Variants in SCUBE1 observed in about 807,000 individuals in gnomAD.
SCUBE1 encodes signal peptide, CUB domain and EGF like domain containing 1, also known as signal peptide, CUB and EGF-like domain-containing protein 1.
A neutral mutation model predicts 124.4 loss-of-function variants in SCUBE1; 59 were observed. The ratio of observed to expected loss-of-function variants is 0.47; its 90% CI spans 0.38 to 0.59. SCUBE1 has a LOEUF of 0.59. Among genes scored for constraint, SCUBE1 ranks in the 20% least tolerant of loss-of-function variants. The pLI, the probability that SCUBE1 is intolerant of heterozygous loss-of-function variation, is 0.00. For synonymous variants in SCUBE1, 545 were observed against 550.9 expected (o/e 0.99, Z 0.15); for missense variants, 1,150 against 1,371.2 (o/e 0.84, Z 2.55).
Position 43,221,069 on chromosome 22 carries a change from C to G in SCUBE1, c.1549+104G>C. On this transcript the variant is annotated intron_variant, in intron 13 of 21. Transcript: ENST00000360835. ...AGCTGCCAGGTGAGAGAGACCTCCA[C>G]CCTTGGAAACCAGACTCGCTGGACC... 9.2e-6 allele frequency: 7 copies of G among 758,920 alleles called. No homozygotes were observed. In the South Asian group the frequency reaches 9.6e-5, roughly 10 times the overall value. The allele number at this position is 758,920 out of a possible 1,614,324, so 47.0% of individuals were successfully genotyped here.
rs200014728 is a variant in SCUBE1 at position 43,208,146 on chromosome 22, T to G, written c.2660A>C (p.Lys887Thr). 3 of 1,614,014 alleles carry G rather than the reference T, an allele frequency of 1.9e-6. No individual in the cohort carries two copies. In the African/African-American group the frequency reaches 4.0e-5, roughly 22 times the overall value. The change falls in exon 20 of 22, where the codon AAG (lysine) becomes ACG (threonine). Residue 887 changes from lysine to threonine, a missense_variant. Transcript: ENST00000360835. ...ATTGGATTTGAACTGGATCCAGAGCTTGCGGGAGCGGGAGGTGAAGGCGAT... is the reference window on the plus strand; with the variant it reads ...ATTGGATTTGAACTGGATCCAGAGCGTGCGGGAGCGGGAGGTGAAGGCGAT... Reference protein sequence around the residue: ...RPIAFTSRSRKLWIQFKSNEG... With the variant: ...RPIAFTSRSRTLWIQFKSNEG...
chr22:43,264,613 A>G lies in SCUBE1; in HGVS notation c.485-1768T>C, dbSNP rs547993895. On this transcript the variant is annotated intron_variant, in intron 4 of 21. Coordinates refer to ENST00000360835, the MANE Select transcript of SCUBE1 (RefSeq NM_173050.5). ...CCAGCAAGCCATCTCCCTGACCGTT[A>G]CTGACAGCTGTTGTCGGCGGTGGGC... Among the ~76,000 whole-genome samples, 3 of 152,276 alleles carry G rather than the reference A, an allele frequency of 2.0e-5. No individual in the cohort carries two copies. The South Asian group carries it at 6.2e-4, about 32-fold the overall frequency.
At chr22:43,207,776 G>C (rs35334214) in intron 20 of SCUBE1, among the ~76,000 whole-genome samples, 163 bp from the exon 21 acceptor site, 5,975 of 152,296 alleles carry the variant, frequency 0.039, 143 homozygotes, top group South Asian at 0.058. Context: ...GGGGCTCCCT[G>C]CACCTGTATT....
chr22:43,220,826 GA>G (rs1456166583), intron 13 of SCUBE1, among the ~76,000 whole-genome samples: 1 of 152,172 alleles, frequency 6.6e-6, no homozygotes, highest in Non-Finnish European at 1.5e-5. Context: ...ACATATTCAT[GA>G]ATGAGGCTGT....
At chr22:43,252,284 C>T (rs896331996) in intron 6 of SCUBE1, among the ~76,000 whole-genome samples, 1 of 152,260 alleles carries the variant, frequency 6.6e-6, no homozygotes. Context: ...ACTCCCCTCC[C>T]TCACTGGAGC....
intron 12 of SCUBE1, 26 bp downstream of exon 12, chr22:43,222,612 C>A (rs1331995998): frequency 6.8e-7 from 1 of 1,463,116 alleles, no homozygotes; most frequent in Non-Finnish European, 9.1e-7. Context: ...CAGTGGCATG[C>A]AGCATGGACA....
At chr22:43,332,814 C>T (rs1165101077) in intron 2 of SCUBE1, among the ~76,000 whole-genome samples, 4 of 152,098 alleles carry the variant, frequency 2.6e-5, no homozygotes, top group African/African-American at 9.7e-5. Flanking sequence ...CAGCTCTGGG[C>T]CCAGCCCTGA....
At chr22:43,303,292 G>A (rs956478906) in intron 3 of SCUBE1, among the ~76,000 whole-genome samples, 1 of 152,246 alleles carries the variant, frequency 6.6e-6, no homozygotes, top group African/African-American at 2.4e-5. Context: ...TTGAGCGTGA[G>A]CGTCCTTGGC....
At position 43,198,184 on chromosome 22, in the gene SCUBE1, G is replaced by A; in HGVS notation, c.*5813C>T. The A allele has an allele frequency of 3.8e-6, 1 of 261,428 alleles. No homozygotes were observed. The allele number at this position is 261,428 out of a possible 1,614,324, so 16.2% of individuals were successfully genotyped here. A position where few individuals can be genotyped will look rare whatever the true frequency, so the allele number is the denominator to read the frequency against. On this transcript the variant is annotated 3_prime_UTR_variant, in exon 22 of 22. Transcript: ENST00000360835. ...TATTAGAGGGTTGAGCCCAGAGCCT[G>A]GCACCCAGTGGGCACTGAGTGAGCG...
At chr22:43,303,250 T>A (rs1925841607) in intron 3 of SCUBE1, among the ~76,000 whole-genome samples, 1 of 152,228 alleles carries the variant, frequency 6.6e-6, no homozygotes, top group African/African-American at 2.4e-5. Flanking sequence ...GCACCCTCCA[T>A]GTGTACACCT....
intron 4 of SCUBE1, among the ~76,000 whole-genome samples, chr22:43,287,151 C>T (rs1040147020): frequency 6.6e-6 from 1 of 152,144 alleles, no homozygotes; most frequent in Non-Finnish European, 1.5e-5. Flanking sequence ...GGGCCAGAAG[C>T]AGTGCTCGGA....
intron 4 of SCUBE1, among the ~76,000 whole-genome samples, chr22:43,266,940 T>G (rs988725605): frequency 1.3e-5 from 2 of 152,062 alleles, no homozygotes; most frequent in African/African-American, 4.8e-5. Flanking sequence ...GGACAAAGCC[T>G]CCGCTCCCCT....
intron 2 of SCUBE1, among the ~76,000 whole-genome samples, chr22:43,322,937 A>G (rs1314581727): frequency 6.6e-6 from 1 of 152,194 alleles, no homozygotes; most frequent in Non-Finnish European, 1.5e-5. Context: ...AGGTGTTTTA[A>G]CTTCATTTTA....
intron 4 of SCUBE1, among the ~76,000 whole-genome samples, chr22:43,271,192 C>T (rs1262089167): frequency 1.3e-5 from 2 of 152,176 alleles, no homozygotes; most frequent in Non-Finnish European, 2.9e-5. Context: ...GGACTGGGGC[C>T]ATGCCTGGGG....
chr22:43,310,972 T>A (rs1412187750), intron 3 of SCUBE1, among the ~76,000 whole-genome samples: 1 of 151,970 alleles, frequency 6.6e-6, no homozygotes, highest in Non-Finnish European at 1.5e-5. Flanking sequence ...AGAGATGGGG[T>A]CTTGCTATGT....
intron 3 of SCUBE1, among the ~76,000 whole-genome samples, chr22:43,308,730 CAGGCCCCATCGGG>C (rs1219716255): frequency 1.3e-5 from 2 of 152,210 alleles, no homozygotes; most frequent in African/African-American, 4.8e-5. Flanking sequence ...AGCTGGGCTC[CAGGCCCCATCGGG>C]AGTCCCCCGA....
rs529595783 is a variant in SCUBE1 at position 43,309,970 on chromosome 22, G to A, written c.349+9967C>T. 7.2e-5 allele frequency among the ~76,000 whole-genome samples: 11 copies of A among 152,286 alleles called. No homozygotes were observed. The South Asian group carries it at 2.3e-3, about 32-fold the overall frequency. On this transcript the variant is annotated intron_variant, in intron 3 of 21. Transcript: ENST00000360835. ...GTGGTTTCCCTGCTTAAGCCACTCT[G>A]CCTCTCTACTCAGCAGCCAGAAGCG...
intron 3 of SCUBE1, among the ~76,000 whole-genome samples, chr22:43,310,342 G>A (rs779516298): frequency 6.6e-6 from 1 of 152,152 alleles, no homozygotes; most frequent in Non-Finnish European, 1.5e-5. Flanking sequence ...ATTGGTGGAG[G>A]TGACTTCTCA....
intron 10 of SCUBE1, among the ~76,000 whole-genome samples, chr22:43,224,494 T>C (rs1166757864): frequency 6.6e-6 from 1 of 152,218 alleles, no homozygotes; most frequent in Non-Finnish European, 1.5e-5. Context: ...AGGGTGCTCC[T>C]TGGGGACCAG....
Sources: allele counts gnomAD v4.1 joint callset (sites outside exome capture counted in the v4.1 genomes callset), GRCh38; gene constraint gnomAD v4.1.1; transcripts MANE v1.5; gene names NCBI Gene and HGNC (gene_info 2026-07-23, HGNC 2026-07-21).